Variants in GNPAT observed in about 807,000 individuals in gnomAD.
The protein encoded by GNPAT is glyceronephosphate O-acyltransferase.
In GNPAT, 30 loss-of-function variants were observed where a neutral mutation model predicts 78.4. That is an observed-to-expected ratio of 0.38 (90% CI 0.29 to 0.52). The LOEUF (loss-of-function observed/expected upper bound fraction) is 0.52. Ranked by LOEUF, GNPAT falls within the 20% of genes least tolerant of loss-of-function variation. The pLI, the probability that GNPAT is intolerant of heterozygous loss-of-function variation, is 0.84. For missense variants in GNPAT, 714 were observed against 812.2 expected (o/e 0.88, Z 1.47); for synonymous variants, 271 against 281.1 (o/e 0.96, Z 0.36).
chr1:231,266,325 C>T lies in GNPAT; in HGVS notation c.973C>T (p.His325Tyr). 2 of 1,613,852 alleles carry T rather than the reference C, an allele frequency of 1.2e-6. No individual in the cohort carries two copies. The highest frequency in any genetic ancestry group is 1.7e-6 in the Non-Finnish European group (2 of 1,179,762). ...KILSENFGSIHVYFGDPVSLR... is the reference protein window; with the variant it reads ...KILSENFGSIYVYFGDPVSLR... ...TCTCTCTGAAAATTTTGGAAGCATCCATGTGTACTTTGGAGATCCTGTGTC... is the reference window on the plus strand; with the variant it reads ...TCTCTCTGAAAATTTTGGAAGCATCTATGTGTACTTTGGAGATCCTGTGTC... Residue 325 changes from histidine to tyrosine, a missense_variant, in exon 8 of 16, where the codon CAT becomes TAT. Coordinates refer to ENST00000366647, the MANE Select transcript of GNPAT (RefSeq NM_014236.4).
chr1:231,271,620 T>C (rs1322800705), intron 10 of GNPAT, among the ~76,000 whole-genome samples: 1 of 152,194 alleles, frequency 6.6e-6, no homozygotes, highest in Non-Finnish European at 1.5e-5. Flanking sequence ...ACAGTGATTC[T>C]AAGGAAAAGT....
chr1:231,266,458 A>G (rs751147029), intron 8 of GNPAT, 51 bp downstream of exon 8: 1 of 1,511,574 alleles, frequency 6.6e-7, no homozygotes, highest in Non-Finnish European at 9.2e-7. Context: ...TAAAATCCAA[A>G]GGTGTGAGTT....
chr1:231,277,555 A>C lies in GNPAT; in HGVS notation c.*13A>C. 2 of 1,520,868 alleles carry C rather than the reference A, an allele frequency of 1.3e-6. No homozygotes were observed. Among genetic ancestry groups the C allele is most frequent in the Non-Finnish European group, 1.8e-6 (2 of 1,094,880 alleles). The allele number at this position is 1,520,868 out of a possible 1,614,324, so 94.2% of individuals were successfully genotyped here. A position where few individuals can be genotyped will look rare whatever the true frequency, so the allele number is the denominator to read the frequency against. The stretch of plus-strand genomic sequence containing the variant: ...TGCAAAACTTTAATAATCAACAAAT[A>C]GTTATGGAAAATTCGGTCACGTAAT... On this transcript the variant is annotated 3_prime_UTR_variant, in exon 16 of 16. Transcript: ENST00000366647.
chr1:231,252,687 A>G (rs1053510700), intron 2 of GNPAT, among the ~76,000 whole-genome samples: 15 of 151,750 alleles, frequency 9.9e-5, no homozygotes, highest in Admixed American at 3.3e-4. Flanking sequence ...AACTCCTCTA[A>G]GGAATATGCT....
chr1:231,275,377 A>T (rs146322914), intron 13 of GNPAT, 28 bp from the exon 14 acceptor site: 3 of 1,566,540 alleles, frequency 1.9e-6, no homozygotes, highest in Non-Finnish European at 2.6e-6. Context: ...AAACTGGTCA[A>T]CTAACTCTTC....
chr1:231,272,260 C>T, intron 10 of GNPAT, 52 bp from the exon 11 acceptor site: 2 of 927,934 alleles, frequency 2.2e-6, no homozygotes, highest in South Asian at 1.3e-5. Flanking sequence ...CTGGTACTCC[C>T]TTAAAGTTTA....
chr1:231,262,893 A>G (rs200689627), intron 4 of GNPAT, 41 bp downstream of exon 4: 3 of 1,531,084 alleles, frequency 2.0e-6, no homozygotes, highest in Admixed American at 3.3e-5. Flanking sequence ...TAAAAATTAA[A>G]AAGTTCACTG....
intron 1 of GNPAT, among the ~76,000 whole-genome samples, chr1:231,248,551 G>C (rs914251628): frequency 6.6e-6 from 1 of 150,532 alleles, no homozygotes; most frequent in Non-Finnish European, 1.5e-5. Flanking sequence ...AACATAGCAA[G>C]ACCCCCGTCT....
intron 2 of GNPAT, among the ~76,000 whole-genome samples, chr1:231,255,488 A>G (rs1303078196): frequency 6.6e-6 from 1 of 152,112 alleles, no homozygotes; most frequent in Non-Finnish European, 1.5e-5. Flanking sequence ...CAGTGGCATG[A>G]TCATAGCTCA....
chr1:231,268,633 C>A (rs1240314369), intron 9 of GNPAT, among the ~76,000 whole-genome samples: 1 of 146,248 alleles, frequency 6.8e-6, no homozygotes, highest in African/African-American at 2.5e-5. Context: ...AAAGGCCGGG[C>A]GTGGTGGCTC....
chr1:231,241,461 G>A lies in GNPAT; in HGVS notation c.78+5G>A. ...GCTGTCGTGCTCCTCTACTCGGTAG[G>A]CGCCCAGGGAAAAGAGGCCCAGAGC... On this transcript the variant is annotated splice_donor_5th_base_variant and intron_variant, in intron 1 of 15. Coordinates refer to ENST00000366647, the MANE Select transcript of GNPAT (RefSeq NM_014236.4). The A allele has an allele frequency of 6.2e-7, 1 of 1,606,904 alleles. No individual in the cohort carries two copies. The highest frequency in any genetic ancestry group is 8.5e-7 in the Non-Finnish European group (1 of 1,173,646).
chr1:231,276,086 T>A, intron 14 of GNPAT, 49 bp from the exon 15 acceptor site: 1 of 830,726 alleles, frequency 1.2e-6, no homozygotes, highest in Non-Finnish European at 2.1e-6. Context: ...ATAAAAGTTG[T>A]CTTTTCCCCA....
At chr1:231,257,250 G>A (rs1487360938) in intron 2 of GNPAT, among the ~76,000 whole-genome samples, 2 of 152,140 alleles carry the variant, frequency 1.3e-5, no homozygotes, top group African/African-American at 4.8e-5. Context: ...GCTCAAGATG[G>A]CATGATGATT....
At chr1:231,268,609 CAA>C (rs376264408) in intron 9 of GNPAT, among the ~76,000 whole-genome samples, 21 of 108,586 alleles carry the variant, frequency 1.9e-4, no homozygotes, top group Admixed American at 2.8e-4. Flanking sequence ...ACCCCATCTC[CAA>C]AAAAAAAAAA....
intron 9 of GNPAT, among the ~76,000 whole-genome samples, chr1:231,270,256 A>G (rs1685520162): frequency 6.6e-6 from 1 of 152,216 alleles, no homozygotes; most frequent in African/African-American, 2.4e-5. Context: ...TGATTTGGGG[A>G]AAACTGCAAA....
At position 231,260,495 on chromosome 1, in the gene GNPAT, C is replaced by T. The variant is rs1685192116; in HGVS notation, c.262-12C>T. 6.3e-7 allele frequency: 1 copy of T among 1,590,618 alleles called. No homozygotes were observed. The highest frequency in any genetic ancestry group is 1.3e-5 in the African/African-American group (1 of 74,406). ...TTGTTAGAAATTATTCCTGCTTTTC[C>T]TTTCCTTTTAGCTTTCCAAGGAATC... On this transcript the variant is annotated splice_polypyrimidine_tract_variant and intron_variant, in intron 2 of 15. Transcript: ENST00000366647.
At chr1:231,251,606 C>T (rs1250645548) in intron 2 of GNPAT, among the ~76,000 whole-genome samples, 5 of 152,142 alleles carry the variant, frequency 3.3e-5, no homozygotes, top group African/African-American at 1.2e-4. Flanking sequence ...TTTTCAAAAT[C>T]CCCATATCAT....
In GNPAT at chr1:231,275,496, G is replaced by A; in HGVS notation, c.1935G>A (p.Lys645=). ...GGCTCGGAGTAGTGGAGAAGAAGAA[G>A]ATGTAAGTACTGTACAAGATCCCAT... The part of the protein sequence containing the change: ...CVRLGVVEKK[K]INNNCIFNVN... Residue 645 remains lysine (K), a splice_region_variant and synonymous_variant, in exon 14 of 16, where the codon AAG becomes AAA. Coordinates refer to ENST00000366647, the MANE Select transcript of GNPAT (RefSeq NM_014236.4). 2 of 1,567,084 alleles carry A rather than the reference G, an allele frequency of 1.3e-6. No individual in the cohort carries two copies. Among genetic ancestry groups the A allele is most frequent in the Non-Finnish European group, 1.8e-6 (2 of 1,137,008 alleles).
intron 11 of GNPAT, 74 bp from the exon 12 acceptor site, chr1:231,273,848 G>C (rs1412245687): frequency 2.5e-5 from 29 of 1,165,968 alleles, no homozygotes; most frequent in Non-Finnish European, 3.7e-5. Flanking sequence ...ACCTAGATGA[G>C]GGGGTACATG....
Sources: gnomAD v4.1 joint callset for allele counts (sites outside exome capture counted in the v4.1 genomes callset) on GRCh38, gnomAD v4.1.1 for gene constraint, MANE v1.5 for transcripts, NCBI Gene and HGNC (gene_info 2026-07-23, HGNC 2026-07-21) for gene names.